PHKB: variants seen among roughly 807,000 people sequenced by gnomAD.
The protein encoded by PHKB is phosphorylase b kinase regulatory subunit beta.
A neutral mutation model predicts 152.1 loss-of-function variants in PHKB; 122 were observed. That is an observed-to-expected ratio of 0.80 (90% CI 0.69 to 0.93). The LOEUF is 0.93. Ranked by LOEUF, PHKB falls within the 40% of genes least tolerant of loss-of-function variation. PHKB has a pLI of 0.00. For missense variants in PHKB, 1,304 were observed against 1,328.4 expected (o/e 0.98, Z 0.29); for synonymous variants, 436 against 464.9 (o/e 0.94, Z 0.80).
At chr16:47,546,051 C>T (rs753886030) in intron 6 of PHKB, among the ~76,000 whole-genome samples, 3 of 152,166 alleles carry the variant, frequency 2.0e-5, no homozygotes, top group Non-Finnish European at 2.9e-5. Context: ...TCCGTTAGCT[C>T]GGATAATTTT....
chr16:47,506,860 A>G (rs1252348852), intron 4 of PHKB, among the ~76,000 whole-genome samples: 1 of 152,218 alleles, frequency 6.6e-6, no homozygotes, highest in Non-Finnish European at 1.5e-5. Context: ...ATGTTTTAAG[A>G]AAGTTTACGA....
chr16:47,682,044 T>G (rs1035810975), intron 26 of PHKB, among the ~76,000 whole-genome samples: 9 of 152,204 alleles, frequency 5.9e-5, no homozygotes, highest in African/African-American at 1.2e-4. Flanking sequence ...GGCTGGATAT[T>G]AAATTCTGGG....
chr16:47,548,858 G>T (rs1971221660), intron 7 of PHKB, among the ~76,000 whole-genome samples: 1 of 152,072 alleles, frequency 6.6e-6, no homozygotes, highest in Admixed American at 6.5e-5. Context: ...AATAATTGTT[G>T]TCATTGTTGT....
intron 27 of PHKB, among the ~76,000 whole-genome samples, chr16:47,690,186 T>C (rs184220442): frequency 6.6e-6 from 1 of 152,306 alleles, no homozygotes; most frequent in Admixed American, 6.5e-5. Context: ...ACTTTTTAAA[T>C]AGTGATGAGA....
chr16:47,480,832 A>G (rs1037608652), intron 1 of PHKB, among the ~76,000 whole-genome samples: 1 of 152,220 alleles, frequency 6.6e-6, no homozygotes, highest in Admixed American at 6.5e-5. Context: ...CTAATAGTCC[A>G]TAAAAATATG....
At chr16:47,592,611 C>T (rs149193159) in intron 10 of PHKB, among the ~76,000 whole-genome samples, 90 of 152,342 alleles carry the variant, frequency 5.9e-4, no homozygotes, top group African/African-American at 1.9e-3. Context: ...TGTTCCACTC[C>T]CTATGAGCCT....
In PHKB at chr16:47,689,196, C is replaced by T. The variant is rs747282122; in HGVS notation, c.2765+21C>T. The T allele has an allele frequency of 2.1e-5, 34 of 1,609,906 alleles. No homozygotes were observed. The South Asian group carries it at 3.6e-4, about 17-fold the overall frequency. ...GGAAGGTAATAAGGGCCCCTTGTTA[C>T]CTACATGATACTCTGGATTTACAAT... On this transcript the variant is annotated intron_variant, in intron 27 of 30. Coordinates refer to ENST00000323584, the MANE Select transcript of PHKB (RefSeq NM_000293.3).
At chr16:47,589,606 T>C (rs558540350) in intron 10 of PHKB, among the ~76,000 whole-genome samples, 91 of 152,248 alleles carry the variant, frequency 6.0e-4, no homozygotes, top group Non-Finnish European at 1.2e-3. Flanking sequence ...TTTTAAAATA[T>C]AGTCCTCTAA....
At chr16:47,622,417 A>C (rs1029423078) in intron 14 of PHKB, among the ~76,000 whole-genome samples, 4 of 152,132 alleles carry the variant, frequency 2.6e-5, no homozygotes, top group African/African-American at 9.7e-5. Context: ...GGGAGTGTCT[A>C]CTTTCTTGAG....
chr16:47,542,074 G>A (rs1024450033), intron 6 of PHKB, among the ~76,000 whole-genome samples: 1 of 152,132 alleles, frequency 6.6e-6, no homozygotes, highest in African/African-American at 2.4e-5. Flanking sequence ...CCTTGCCCAT[G>A]CCTATGTCCT....
chr16:47,610,159 A>ATAT (rs1972400025), intron 13 of PHKB, among the ~76,000 whole-genome samples: 1 of 99,444 alleles, frequency 1.0e-5, no homozygotes, highest in Non-Finnish European at 1.9e-5. Context: ...TGCCCAGCTA[A>ATAT]TTTTTTTTTT....
chr16:47,660,327 T>G lies in PHKB; in HGVS notation c.1972-179T>G, dbSNP rs1045519563. ...TGTATATTCTATTTTAGGGTTTTTT[T>G]TGTGTGTGTAGAAACCTGTGTGATT... On this transcript the variant is annotated intron_variant, in intron 20 of 30. Coordinates refer to ENST00000323584, the MANE Select transcript of PHKB (RefSeq NM_000293.3). Among the ~76,000 whole-genome samples the G allele has an allele frequency of 7.1e-4, 108 of 152,350 alleles. 1 individual carries two copies. Among genetic ancestry groups the G allele is most frequent in the Admixed American group, 5.6e-3 (85 of 15,302 alleles).
At position 47,698,535 on chromosome 16, in the gene PHKB, G is replaced by A. The variant is rs912541354; in HGVS notation, c.3091G>A (p.Ala1031Thr). ...AGATCTAGACAGACTGGTCAAAGAAGCATTTAATGAATTTCAAAAAGATCA... is the reference window on the plus strand; with the variant it reads ...AGATCTAGACAGACTGGTCAAAGAAACATTTAATGAATTTCAAAAAGATCA... ...KVDLDRLVKE[A>T]FNEFQKDQSR... is the part of the protein sequence containing the mutation. Residue 1031 changes from alanine to threonine, a missense_variant, in exon 30 of 31, where the codon GCA becomes ACA. By Grantham distance (58) the Ala-to-Thr change is moderately conservative. Transcript: ENST00000323584. 1.9e-6 allele frequency: 3 copies of A among 1,580,278 alleles called. No homozygotes were observed. Among genetic ancestry groups the A allele is most frequent in the Admixed American group, 1.7e-5 (1 of 58,694 alleles).
At chr16:47,680,941 A>G (rs533910240) in intron 26 of PHKB, among the ~76,000 whole-genome samples, 1 of 152,062 alleles carries the variant, frequency 6.6e-6, no homozygotes, top group East Asian at 1.9e-4. Flanking sequence ...CCTGCTTTGA[A>G]TGTGTCCCAG....
chr16:47,666,090 G>C, intron 25 of PHKB: 1 of 1,249,334 alleles, frequency 8.0e-7, no homozygotes, highest in Non-Finnish European at 1.2e-6. Context: ...TTCTGGCTAG[G>C]ACCCTTAATT....
chr16:47,618,894 G>A (rs1394604574), intron 14 of PHKB, among the ~76,000 whole-genome samples: 1 of 152,140 alleles, frequency 6.6e-6, no homozygotes, highest in Non-Finnish European at 1.5e-5. Context: ...GCAGTTGTTG[G>A]TTTACATGCC....
At chr16:47,562,230 A>G (rs1971487750) in intron 7 of PHKB, 1 of 152,316 alleles carries the variant, frequency 6.6e-6, no homozygotes, top group Non-Finnish European at 1.5e-5. Flanking sequence ...TCATGCCAGA[A>G]GTGACCCACA....
chr16:47,497,802 A>G (rs558237076), intron 2 of PHKB, among the ~76,000 whole-genome samples: 9 of 152,292 alleles, frequency 5.9e-5, no homozygotes, highest in Admixed American at 3.9e-4. Flanking sequence ...GATATTTCAT[A>G]TAAGTATTAA....
chr16:47,683,703 T>A (rs1230412007), intron 26 of PHKB, among the ~76,000 whole-genome samples: 1 of 152,208 alleles, frequency 6.6e-6, no homozygotes, highest in Admixed American at 6.5e-5. Flanking sequence ...CCTGACCCCT[T>A]GTGCTTCTCA....
Sources: allele counts gnomAD v4.1 joint callset (sites outside exome capture counted in the v4.1 genomes callset), GRCh38; gene constraint gnomAD v4.1.1; transcripts MANE v1.5; gene names NCBI Gene and HGNC (gene_info 2026-07-23, HGNC 2026-07-21).